ATP8A2: variants seen among roughly 807,000 people sequenced by gnomAD.
The protein encoded by ATP8A2 is phospholipid-transporting ATPase IB.
A neutral mutation model predicts 165.6 loss-of-function variants in ATP8A2; 100 were observed. That is an observed-to-expected ratio of 0.60 (90% confidence interval 0.51 to 0.71). The LOEUF is 0.71. Ranked by LOEUF, ATP8A2 falls within the 30% of genes least tolerant of loss-of-function variation. ATP8A2 has a pLI of 0.00. For synonymous variants in ATP8A2, 543 were observed against 548.8 expected (o/e 0.99, Z 0.15); for missense variants, 1,227 against 1,479.5 (o/e 0.83, Z 2.80).
chr13:25,616,786 A>G (rs1417373620), intron 24 of ATP8A2, among the ~76,000 whole-genome samples: 1 of 152,134 alleles, frequency 6.6e-6, no homozygotes, highest in Non-Finnish European at 1.5e-5. Flanking sequence ...ACCAGGGTTC[A>G]CCCTAAAATA....
rs560626660 is a variant in ATP8A2 at position 25,675,437 on chromosome 13, C to T, written c.2212-23736C>T. Among the ~76,000 whole-genome samples the T allele has an allele frequency of 1.8e-3, 280 of 152,336 alleles. 1 individual carries two copies. The highest frequency in any genetic ancestry group is 5.9e-3 in the African/African-American group (245 of 41,580). ...TAGAACAGGGCAGACAGAATCAAAT[C>T]AGGCCTGGTGTAGAGGTGTACCTTG... On this transcript the variant is annotated intron_variant, in intron 24 of 36. Coordinates refer to ENST00000381655, the MANE Select transcript of ATP8A2 (RefSeq NM_016529.6).
At chr13:25,377,078 A>T (rs1163485074) in intron 1 of ATP8A2, among the ~76,000 whole-genome samples, 1 of 151,758 alleles carries the variant, frequency 6.6e-6, no homozygotes. Context: ...GTTATCTTAA[A>T]CCCTCCTCAG....
intron 27 of ATP8A2, among the ~76,000 whole-genome samples, chr13:25,806,175 G>A (rs572895287): frequency 6.6e-6 from 1 of 152,238 alleles, no homozygotes; most frequent in Admixed American, 6.5e-5. Flanking sequence ...TGAGGAGGCG[G>A]GAGAACAGCT....
At position 25,571,610 on chromosome 13, in the gene ATP8A2, A is replaced by T; in HGVS notation, c.1580A>T (p.Asp527Val). The T allele has an allele frequency of 6.2e-7, 1 of 1,612,396 alleles. No individual in the cohort carries two copies. Among genetic ancestry groups the T allele is most frequent in the Non-Finnish European group, 8.5e-7 (1 of 1,179,004 alleles). ...TGTTTCACCAACTCCCACTTGACAG[A>T]TGAAGCTGCTTTGGTGAAAGGAGCT... ...DNIIYQASSP[D>V]EAALVKGAKK... Residue 527 changes from aspartate (D) to valine (V), a missense_variant and splice_region_variant, in exon 18 of 37, where the codon GAT becomes GTT. Physicochemically the swap from Asp to Val is radical, Grantham distance 152 (BLOSUM62 -3). Around this residue, in one of 5 missense-constraint regions of ATP8A2, gnomAD observed 592 missense variants for 785.6 expected, o/e 0.75. Transcript: ENST00000381655.
At chr13:25,479,417 T>C (rs1002572513) in intron 2 of ATP8A2, among the ~76,000 whole-genome samples, 1 of 152,248 alleles carries the variant, frequency 6.6e-6, no homozygotes, top group South Asian at 2.1e-4. Context: ...TCAATTCTGC[T>C]GCTTTTTATT....
chr13:25,543,250 C>G (rs1215775827), intron 9 of ATP8A2, 41 bp from the exon 10 acceptor site: 1 of 1,285,010 alleles, frequency 7.8e-7, no homozygotes, highest in East Asian at 2.3e-5. Flanking sequence ...TGCTTATTTT[C>G]CAGACTATCA....
intron 33 of ATP8A2, among the ~76,000 whole-genome samples, chr13:25,877,585 C>A (rs34641035): frequency 6.6e-6 from 1 of 152,182 alleles, no homozygotes; most frequent in Admixed American, 6.5e-5. Context: ...TGGTCCTCCC[C>A]CCGACCCCAC....
At chr13:25,550,970 G>A (rs2038803836) in intron 10 of ATP8A2, among the ~76,000 whole-genome samples, 2 of 152,172 alleles carry the variant, frequency 1.3e-5, no homozygotes, top group South Asian at 2.1e-4. Flanking sequence ...GGTATGGAAT[G>A]TCTAAGTTTC....
intron 2 of ATP8A2, among the ~76,000 whole-genome samples, chr13:25,483,353 A>G (rs555839805): frequency 2.6e-5 from 4 of 152,330 alleles, no homozygotes; most frequent in African/African-American, 9.6e-5. Context: ...TGACCTCAGA[A>G]TAGCAGAAAG....
intron 27 of ATP8A2, among the ~76,000 whole-genome samples, chr13:25,793,348 G>A (rs1461060220): frequency 6.6e-6 from 1 of 152,112 alleles, no homozygotes; most frequent in East Asian, 1.9e-4. Flanking sequence ...GTACTACATA[G>A]ACTTTATATT....
At chr13:25,747,053 C>T (rs1439462849) in intron 25 of ATP8A2, among the ~76,000 whole-genome samples, 2 of 152,134 alleles carry the variant, frequency 1.3e-5, no homozygotes, top group African/African-American at 4.8e-5. Context: ...CCTTGTGTTT[C>T]CTGACCTCAT....
At chr13:25,899,746 C>T (rs1249854988) in intron 33 of ATP8A2, among the ~76,000 whole-genome samples, 1 of 152,124 alleles carries the variant, frequency 6.6e-6, no homozygotes, top group Non-Finnish European at 1.5e-5. Flanking sequence ...GTAGCCAGAC[C>T]ACGGAGGTCT....
intron 24 of ATP8A2, among the ~76,000 whole-genome samples, chr13:25,673,334 G>A (rs187350399): frequency 1.5e-4 from 23 of 152,268 alleles, no homozygotes; most frequent in African/African-American, 4.8e-4. Flanking sequence ...CAGAAATTTT[G>A]GATAGGATAC....
At chr13:25,794,314 A>G (rs1026923245) in intron 27 of ATP8A2, among the ~76,000 whole-genome samples, 1 of 152,236 alleles carries the variant, frequency 6.6e-6, no homozygotes, top group Non-Finnish European at 1.5e-5. Context: ...CAGTATACCT[A>G]TGCAGTGGAA....
intron 27 of ATP8A2, among the ~76,000 whole-genome samples, chr13:25,808,350 G>A (rs759246612): frequency 2.8e-4 from 42 of 151,976 alleles, no homozygotes; most frequent in Non-Finnish European, 5.3e-4. Context: ...TGTAATCCCA[G>A]CACTTTGGGA....
chr13:25,680,445 T>A (rs2042462342), intron 24 of ATP8A2, among the ~76,000 whole-genome samples: 1 of 152,130 alleles, frequency 6.6e-6, no homozygotes, highest in South Asian at 2.1e-4. Context: ...TGAATTCAGA[T>A]TTCTAGCCCC....
At chr13:25,908,088 A>G (rs549540808) in intron 33 of ATP8A2, among the ~76,000 whole-genome samples, 4 of 152,322 alleles carry the variant, frequency 2.6e-5, no homozygotes, top group Admixed American at 2.6e-4. Context: ...AGACTATCAA[A>G]ATTGAAATGA....
At chr13:26,016,739 C>G (rs1278186138) in intron 36 of ATP8A2, among the ~76,000 whole-genome samples, 5 of 152,174 alleles carry the variant, frequency 3.3e-5, no homozygotes, top group Non-Finnish European at 7.3e-5. Flanking sequence ...CCGACCCTTT[C>G]TTTTCTGACG....
intron 2 of ATP8A2, among the ~76,000 whole-genome samples, chr13:25,485,729 C>G (rs1254671897): frequency 3.3e-5 from 5 of 152,160 alleles, no homozygotes; most frequent in African/African-American, 1.2e-4. Flanking sequence ...TTAATTCTCA[C>G]ATTATATTTG....
Sources: gnomAD v4.1 joint callset for allele counts (sites outside exome capture counted in the v4.1 genomes callset) on GRCh38, gnomAD v4.1.1 for gene constraint, gnomAD v4.1.1 regional missense constraint, MANE v1.5 for transcripts, NCBI Gene and HGNC (gene_info 2026-07-23, HGNC 2026-07-21) for gene names.